The following SLIT2 variants were observed in gnomAD, a reference collection of about 807,000 sequenced individuals.
SLIT2 encodes slit guidance ligand 2.
In SLIT2, 41 loss-of-function variants were observed where a neutral mutation model predicts 185.7. The observed-to-expected ratio is 0.22, with a 90% confidence interval of 0.17 to 0.29. The LOEUF (loss-of-function observed/expected upper bound fraction) is 0.29, where lower values mean the gene tolerates loss of function less well. Ranked by LOEUF, SLIT2 falls within the 10% of genes least tolerant of loss-of-function variation. The pLI, the probability that SLIT2 is intolerant of heterozygous loss-of-function variation, is 1.00. For synonymous variants in SLIT2, 693 were observed against 680.2 expected, an observed-to-expected ratio of 1.02 and a Z score of -0.29; for missense variants, 1,571 against 1,909.0, an observed-to-expected ratio of 0.82 and a Z score of 3.30.
At chr4:20,601,259 C>G (rs1728388989) in intron 33 of SLIT2, among the ~76,000 whole-genome samples, 9 of 152,204 alleles carry the variant, frequency 5.9e-5, no homozygotes, top group Admixed American at 5.9e-4. Flanking sequence ...TATCAACTAA[C>G]TGTGTGTCTT....
intron 28 of SLIT2, among the ~76,000 whole-genome samples, chr4:20,568,321 A>G (rs78617085): frequency 0.018 from 2,723 of 152,192 alleles, 35 homozygotes; most frequent in Middle Eastern, 0.037. Flanking sequence ...CATACTCAAG[A>G]TAGTTTTATG....
chr4:20,260,554 G>T (rs1712344615), intron 3 of SLIT2, among the ~76,000 whole-genome samples: 1 of 151,552 alleles, frequency 6.6e-6, no homozygotes, highest in African/African-American at 2.4e-5. Context: ...ATTACATTTT[G>T]TGAATATTTC....
intron 6 of SLIT2, 80 bp downstream of exon 6, chr4:20,480,867 C>G: frequency 1.0e-6 from 1 of 995,082 alleles, no homozygotes; most frequent in Non-Finnish European, 1.6e-6. Flanking sequence ...TATCTGCTAG[C>G]TTAAAACCTT....
At chr4:20,436,049 A>G (rs1031321366) in intron 4 of SLIT2, among the ~76,000 whole-genome samples, 1 of 152,230 alleles carries the variant, frequency 6.6e-6, no homozygotes, top group African/African-American at 2.4e-5. Flanking sequence ...ACAAAGTATA[A>G]TGCACTCAGT....
At chr4:20,507,765 A>G (rs544644642) in intron 9 of SLIT2, among the ~76,000 whole-genome samples, 160 of 151,992 alleles carry the variant, frequency 1.1e-3, no homozygotes, top group Non-Finnish European at 2.1e-3. Flanking sequence ...TTACTATTAA[A>G]AGAAATCTAC....
At position 20,484,570 on chromosome 4, in the gene SLIT2, T is replaced by C. The variant is rs1717024475; in HGVS notation, c.540-1630T>C. Among the ~76,000 whole-genome samples the C allele has an allele frequency of 6.6e-6, 1 of 152,140 alleles. No homozygotes were observed. Among genetic ancestry groups the C allele is most frequent in the South Asian group, 2.1e-4 (1 of 4,826 alleles). ...GGTCTCTAGCTGACATGCCCTGTTT[T>C]ACTGAAAAGTTTTTGTCAATCTCTT... On this transcript the variant is annotated intron_variant, in intron 6 of 36. Transcript: ENST00000504154. This position sits in a 1 kb window ranked among gnomAD's most constrained non-coding sequence, Gnocchi z 4.3.
intron 4 of SLIT2, among the ~76,000 whole-genome samples, chr4:20,419,100 A>G (rs953456229): frequency 6.6e-6 from 1 of 152,170 alleles, no homozygotes; most frequent in Non-Finnish European, 1.5e-5. Context: ...AGGAAGTATT[A>G]TACACACTTT....
At chr4:20,283,762 A>G (rs1363667998) in intron 4 of SLIT2, among the ~76,000 whole-genome samples, 1 of 152,216 alleles carries the variant, frequency 6.6e-6, no homozygotes, top group Non-Finnish European at 1.5e-5. Context: ...TATTAAATAA[A>G]CAATATAAAT....
rs1206159860 is a variant in SLIT2, at chr4:20,298,241, A to G, written c.395+29360A>G. 2.0e-5 allele frequency among the ~76,000 whole-genome samples: 3 copies of G among 152,018 alleles called. No homozygotes were observed. In the East Asian group the frequency reaches 5.8e-4, roughly 29 times the overall value. On this transcript the variant is annotated intron_variant, in intron 4 of 36. Coordinates refer to ENST00000504154, the MANE Select transcript of SLIT2 (RefSeq NM_004787.4). The stretch of plus-strand genomic sequence containing the variant: ...GTAGCTGGGATTACAGGCATGTGCC[A>G]CCATGCCCGGCTAATTTTTGTATTT...
intron 4 of SLIT2, among the ~76,000 whole-genome samples, chr4:20,427,847 A>G (rs1468300496): frequency 2.0e-5 from 3 of 152,140 alleles, no homozygotes; most frequent in Non-Finnish European, 2.9e-5. Context: ...TGTCTTAATC[A>G]GTTGTTCTCT....
At chr4:20,315,156 A>G (rs1718465664) in intron 4 of SLIT2, among the ~76,000 whole-genome samples, 1 of 152,146 alleles carries the variant, frequency 6.6e-6, no homozygotes, top group African/African-American at 2.4e-5. Context: ...TGAAATGACA[A>G]AAAGCTAGGA....
intron 33 of SLIT2, among the ~76,000 whole-genome samples, chr4:20,599,760 A>T (rs1259821034): frequency 2.0e-5 from 3 of 152,192 alleles, no homozygotes; most frequent in Admixed American, 2.0e-4. Flanking sequence ...TGAACAAAAC[A>T]TATCTGTAGG....
intron 4 of SLIT2, among the ~76,000 whole-genome samples, chr4:20,270,802 T>C (rs1359347132): frequency 6.6e-6 from 1 of 151,970 alleles, no homozygotes; most frequent in Admixed American, 6.6e-5. Flanking sequence ...AGGCACTGGA[T>C]GTACATAGAA....
chr4:20,384,576 G>T (rs1724788447), intron 4 of SLIT2, among the ~76,000 whole-genome samples: 1 of 152,098 alleles, frequency 6.6e-6, no homozygotes, highest in Non-Finnish European at 1.5e-5. Context: ...TGACAGTTGT[G>T]TCACTAAGAA....
intron 9 of SLIT2, among the ~76,000 whole-genome samples, chr4:20,501,986 T>A (rs1275970637): frequency 6.6e-6 from 1 of 152,202 alleles, no homozygotes; most frequent in Non-Finnish European, 1.5e-5. Flanking sequence ...TTTTTGCAAC[T>A]TATTTCTTTC....
At chr4:20,314,956 C>T (rs1446816451) in intron 4 of SLIT2, among the ~76,000 whole-genome samples, 1 of 151,862 alleles carries the variant, frequency 6.6e-6, no homozygotes, top group Non-Finnish European at 1.5e-5. Context: ...CACATTTCTA[C>T]ACAGGGATAT....
At position 20,536,063 on chromosome 4, in the gene SLIT2, T is replaced by C. The variant is rs549319069; in HGVS notation, c.1832+2348T>C. Among the ~76,000 whole-genome samples the C allele has an allele frequency of 1.4e-4, 22 of 152,290 alleles. 1 individual carries two copies. The South Asian group carries it at 4.4e-3, about 30-fold the overall frequency. The stretch of plus-strand genomic sequence containing the variant: ...CAATTGTTACTAACACAATGTAAAG[T>C]ATTTGTGTATCTAAACATACTAAAC... On this transcript the variant is annotated intron_variant, in intron 18 of 36. Coordinates refer to ENST00000504154, the MANE Select transcript of SLIT2 (RefSeq NM_004787.4).
intron 30 of SLIT2, 40 bp from the exon 31 acceptor site, chr4:20,595,657 C>T (rs760245431): frequency 8.2e-5 from 131 of 1,606,712 alleles, no homozygotes; most frequent in Non-Finnish European, 1.1e-4. Context: ...CTTATTTTGG[C>T]TCAGTTGGGT....
At chr4:20,506,123 A>G (rs1343149195) in intron 9 of SLIT2, among the ~76,000 whole-genome samples, 1 of 152,028 alleles carries the variant, frequency 6.6e-6, no homozygotes, top group Non-Finnish European at 1.5e-5. Context: ...ACAGTGATAA[A>G]ATGTTATGCA....
Sources: allele counts gnomAD v4.1 joint callset (sites outside exome capture counted in the v4.1 genomes callset), GRCh38; gene constraint gnomAD v4.1.1; non-coding constraint Gnocchi (gnomAD v3.1); transcripts MANE v1.5; gene names NCBI Gene and HGNC (gene_info 2026-07-23, HGNC 2026-07-21).